Variants in RNPEP observed in about 807,000 individuals in gnomAD.
RNPEP encodes the protein arginyl aminopeptidase, also known as aminopeptidase B.
A neutral mutation model predicts 70.1 loss-of-function variants in RNPEP; 57 were observed. The ratio of observed to expected loss-of-function variants is 0.81; its 90% confidence interval spans 0.66 to 1.01. The LOEUF is 1.01. Among genes scored for constraint, RNPEP ranks in the 50% least tolerant of loss-of-function variants. The pLI, the probability that RNPEP is intolerant of heterozygous loss-of-function variation, is 0.00. For missense variants in RNPEP, 787 were observed against 852.4 expected (o/e 0.92, Z 0.96); for synonymous variants, 335 against 357.4 (o/e 0.94, Z 0.71).
rs1396015310 is a variant in RNPEP, at chr1:201,982,704, C to T, written c.38C>T (p.Ala13Val). ...GAGCATTCCCCCGGCAGCGGCGCGG[C>T]CCGGCGGCCGCTGCACTCCGCGCAG... ...SGEHSPGSGA[A>V]RRPLHSAQAV... Residue 13 changes from alanine to valine, a missense_variant, in exon 1 of 11, where the codon GCC (alanine) becomes GTC (valine). Coordinates refer to ENST00000295640, the MANE Select transcript of RNPEP (RefSeq NM_020216.4). 4 of 1,398,116 alleles carry T rather than the reference C, an allele frequency of 2.9e-6. No individual in the cohort carries two copies. The highest frequency in any genetic ancestry group is 3.7e-6 in the Non-Finnish European group (4 of 1,070,222). The allele number at this position is 1,398,116 out of a possible 1,614,324, so 86.6% of individuals were successfully genotyped here. A position where few individuals can be genotyped will look rare whatever the true frequency, so the allele number is the denominator to read the frequency against.
chr1:201,999,750 G>A, intron 5 of RNPEP, 152 bp from the exon 6 acceptor site: 1 of 603,660 alleles, frequency 1.7e-6, no homozygotes, highest in Non-Finnish European at 2.9e-6. Flanking sequence ...TATTTGCCCT[G>A]GGTCCCCAGG....
chr1:201,999,085 T>C (rs1683680513), intron 5 of RNPEP, among the ~76,000 whole-genome samples: 1 of 151,980 alleles, frequency 6.6e-6, no homozygotes, highest in African/African-American at 2.4e-5. Context: ...GGCATCATGG[T>C]GTGTGCCTGT....
intron 1 of RNPEP, 134 bp from the exon 2 acceptor site, chr1:201,988,770 G>A (rs1233821737): frequency 1.8e-6 from 2 of 1,117,046 alleles, no homozygotes; most frequent in East Asian, 4.9e-5. Flanking sequence ...GAGCTTTCTA[G>A]TTCAAACCAG....
At chr1:201,984,821 CTT>C (rs200795347) in intron 1 of RNPEP, among the ~76,000 whole-genome samples, 11 of 122,044 alleles carry the variant, frequency 9.0e-5, no homozygotes, top group East Asian at 2.4e-4. Context: ...GTATTTCTTT[CTT>C]TTTTTTTTTT....
chr1:201,986,385 G>C (rs766162986), intron 1 of RNPEP, among the ~76,000 whole-genome samples: 6 of 152,056 alleles, frequency 3.9e-5, no homozygotes, highest in Admixed American at 1.3e-4. Context: ...GTGAGCCACT[G>C]AGCCCAGCCA....
At chr1:202,000,129 G>C (rs1683737953) in intron 6 of RNPEP, 114 bp downstream of exon 6, 3 of 774,090 alleles carry the variant, frequency 3.9e-6, no homozygotes, top group Non-Finnish European at 6.3e-6. Context: ...TTTGGAGGGA[G>C]GGGCACTCCA....
intron 10 of RNPEP, 28 bp downstream of exon 10, chr1:202,004,524 G>A (rs563559698): frequency 2.3e-5 from 37 of 1,610,002 alleles, no homozygotes; most frequent in African/African-American, 6.7e-5. Flanking sequence ...CGCTGTTCCC[G>A]AAAGCACACT....
At chr1:202,002,241 G>A (rs1373971242) in intron 8 of RNPEP, among the ~76,000 whole-genome samples, 11 of 149,284 alleles carry the variant, frequency 7.4e-5, no homozygotes, top group African/African-American at 1.7e-4. Flanking sequence ...TCGGCTCACC[G>A]CAACCTCCGC....
chr1:202,005,532 G>A (rs763009469), intron 10 of RNPEP, 26 bp from the exon 11 acceptor site: 47 of 1,611,192 alleles, frequency 2.9e-5, no homozygotes, highest in Middle Eastern at 1.7e-4. Flanking sequence ...AAGCTTCTTA[G>A]GCATGTGTAT....
At chr1:201,996,493 G>GTGTGTGTGTGTGTGTT (rs1553304799) in intron 4 of RNPEP, 17 of 380,596 alleles carry the variant, frequency 4.5e-5, no homozygotes, top group African/African-American at 4.2e-4. Context: ...GTGTGTGTGT[G>GTGTGTGTGTGTGTGTT]TGTGTGTGTG....
In RNPEP at chr1:202,006,045, G is replaced by T. The variant is rs200142316; in HGVS notation, c.*329G>T. 7.6e-6 allele frequency: 1 copy of T among 131,220 alleles called. No homozygotes were observed. The highest frequency in any genetic ancestry group is 1.5e-5 in the Non-Finnish European group (1 of 68,262). The allele number at this position is 131,220 out of a possible 1,614,324, so 8.1% of individuals were successfully genotyped here. On this transcript the variant is annotated 3_prime_UTR_variant, in exon 11 of 11. Coordinates refer to ENST00000295640, the MANE Select transcript of RNPEP (RefSeq NM_020216.4). ...TGATGCTCTTCTTTTTTCTCTTTCTGTCCTTTTTCTTGCTGATTTTATGCA... is the reference window on the plus strand; with the variant it reads ...TGATGCTCTTCTTTTTTCTCTTTCTTTCCTTTTTCTTGCTGATTTTATGCA...
chr1:201,995,973 T>A, intron 3 of RNPEP, 174 bp from the exon 4 acceptor site: 1 of 589,104 alleles, frequency 1.7e-6, no homozygotes, highest in Non-Finnish European at 3.0e-6. Context: ...TTCTCAGGTG[T>A]GGTGAGCGGT....
At position 202,001,377 on chromosome 1, in the gene RNPEP, C is replaced by A; in HGVS notation, c.1206C>A (p.Gly402=). ...CTTGTCTGCTTTCTCCTCTGCCAGG[C>A]GTTGACCCGGACGACACCTATAATG... ...LNKLRVKIEP[G]VDPDDTYNET... is the part of the protein sequence containing the mutation. The change falls in exon 7 of 11, where the codon GGC becomes GGA. Residue 402 remains glycine, a splice_region_variant and synonymous_variant. Coordinates refer to ENST00000295640, the MANE Select transcript of RNPEP (RefSeq NM_020216.4). 1 of 1,609,678 alleles carries A rather than the reference C, an allele frequency of 6.2e-7. No homozygotes were observed. The highest frequency in any genetic ancestry group is 8.5e-7 in the Non-Finnish European group (1 of 1,175,990).
chr1:201,988,457 C>CAA (rs142459545), intron 1 of RNPEP, among the ~76,000 whole-genome samples: 3,456 of 114,054 alleles, frequency 0.03, 111 homozygotes, highest in Middle Eastern at 0.059. Flanking sequence ...TACTCTGTCT[C>CAA]AAAAAAAAAA....
At chr1:202,001,332 C>G in intron 6 of RNPEP, 44 bp from the exon 7 acceptor site, 1 of 1,335,906 alleles carries the variant, frequency 7.5e-7, no homozygotes, top group South Asian at 1.2e-5. Context: ...TTACGGGTGA[C>G]AGGCTACAAA....
At chr1:202,005,026 A>G (rs1683996985) in intron 10 of RNPEP, among the ~76,000 whole-genome samples, 1 of 152,212 alleles carries the variant, frequency 6.6e-6, no homozygotes, top group African/African-American at 2.4e-5. Flanking sequence ...TGCTCTGCAT[A>G]AAGTCAGGGC....
chr1:201,985,916 T>A (rs1683116343), intron 1 of RNPEP, among the ~76,000 whole-genome samples: 1 of 152,176 alleles, frequency 6.6e-6, no homozygotes, highest in East Asian at 1.9e-4. Flanking sequence ...GTTTTTGATA[T>A]AACTTTGACA....
intron 6 of RNPEP, chr1:202,000,893 T>TAAAA (rs35891956): frequency 0.015 from 2,002 of 134,240 alleles, 25 homozygotes; most frequent in African/African-American, 0.033. Flanking sequence ...GACTCCGTCT[T>TAAAA]AAAAAAAAAA....
intron 1 of RNPEP, among the ~76,000 whole-genome samples, chr1:201,985,334 C>G (rs901680244): frequency 6.6e-6 from 1 of 152,162 alleles, no homozygotes; most frequent in Non-Finnish European, 1.5e-5. Context: ...CTTGACCTCC[C>G]TGGCTCAAGT....
Sources: gnomAD v4.1 joint callset for allele counts (sites outside exome capture counted in the v4.1 genomes callset) on GRCh38, gnomAD v4.1.1 for gene constraint, MANE v1.5 for transcripts, NCBI Gene and HGNC (gene_info 2026-07-23, HGNC 2026-07-21) for gene names.